CADM2: variants seen among roughly 807,000 people sequenced by gnomAD.
CADM2 encodes the protein immunoglobulin superfamily member 4D.
Under a neutral mutation model 49.8 loss-of-function variants are expected in CADM2, and 12 were observed. The ratio of observed to expected loss-of-function variants is 0.24; its 90% CI spans 0.15 to 0.39. CADM2 has a LOEUF of 0.39. Ranked by LOEUF, CADM2 falls within the 10% of genes least tolerant of loss-of-function variation. The pLI is 1.00. For synonymous variants in CADM2, 214 were observed against 175.4 expected, an observed-to-expected ratio of 1.22 and a Z score of -1.74; for missense variants, 378 against 492.3, an observed-to-expected ratio of 0.77 and a Z score of 2.20.
chr3:85,951,238 G>A (rs1001448983), intron 7 of CADM2, among the ~76,000 whole-genome samples: 1 of 151,052 alleles, frequency 6.6e-6, no homozygotes, highest in African/African-American at 2.4e-5. Flanking sequence ...AGGCCAATGA[G>A]AAGAAAAGCT....
chr3:85,770,119 G>T (rs902818350), intron 2 of CADM2, among the ~76,000 whole-genome samples: 1 of 152,094 alleles, frequency 6.6e-6, no homozygotes, highest in African/African-American at 2.4e-5. Context: ...TATGGTGGCA[G>T]TTGCTTCAAC....
At chr3:85,479,828 GT>G (rs1262075421) in intron 1 of CADM2, among the ~76,000 whole-genome samples, 9 of 151,948 alleles carry the variant, frequency 5.9e-5, no homozygotes, top group Admixed American at 5.9e-4. Context: ...GATATGTCCT[GT>G]TTTACTTCAA....
chr3:85,228,097 G>A (rs2042202208), intron 1 of CADM2, among the ~76,000 whole-genome samples: 2 of 152,178 alleles, frequency 1.3e-5, no homozygotes, highest in Admixed American at 1.3e-4. Flanking sequence ...TGATGATTAT[G>A]TGCCTTGAGG....
chr3:85,453,238 A>G (rs1169371142), intron 1 of CADM2, among the ~76,000 whole-genome samples: 1 of 152,074 alleles, frequency 6.6e-6, no homozygotes, highest in Non-Finnish European at 1.5e-5. Context: ...ATGTAAGTAT[A>G]TATGTAGTGA....
At chr3:85,827,169 A>G (rs2073954705) in intron 3 of CADM2, among the ~76,000 whole-genome samples, 1 of 151,992 alleles carries the variant, frequency 6.6e-6, no homozygotes, top group African/African-American at 2.4e-5. Flanking sequence ...TTTCATTAAG[A>G]TGAATAAAAT....
At chr3:85,673,132 A>G (rs1057021724) in intron 1 of CADM2, among the ~76,000 whole-genome samples, 6 of 152,206 alleles carry the variant, frequency 3.9e-5, no homozygotes, top group Non-Finnish European at 8.8e-5. Flanking sequence ...ACACAGCACC[A>G]GGGGACAAGT....
intron 1 of CADM2, among the ~76,000 whole-genome samples, chr3:85,672,499 G>A (rs1424969235): frequency 6.6e-6 from 1 of 151,900 alleles, no homozygotes; most frequent in Non-Finnish European, 1.5e-5. Flanking sequence ...TGCTAATACT[G>A]ATACTCAGTG....
At chr3:85,151,891 G>A (rs112443128) in intron 1 of CADM2, among the ~76,000 whole-genome samples, 2,671 of 152,226 alleles carry the variant, frequency 0.018, 40 homozygotes, top group Middle Eastern at 0.051. Context: ...TTTGCTTAAA[G>A]CAATGCCTTA....
chr3:85,124,144 TA>T (rs1345164303), intron 1 of CADM2, among the ~76,000 whole-genome samples: 1 of 152,206 alleles, frequency 6.6e-6, no homozygotes, highest in African/African-American at 2.4e-5. Context: ...ACTGGGAAGA[TA>T]GGGGCACAAT....
At chr3:85,776,083 T>C (rs2070345653) in intron 2 of CADM2, among the ~76,000 whole-genome samples, 1 of 151,806 alleles carries the variant, frequency 6.6e-6, no homozygotes, top group African/African-American at 2.4e-5. Context: ...AATGAGAATA[T>C]ATAAGAAATT....
At chr3:85,630,935 A>C (rs2064287655) in intron 1 of CADM2, among the ~76,000 whole-genome samples, 1 of 152,066 alleles carries the variant, frequency 6.6e-6, no homozygotes, top group South Asian at 2.1e-4. Flanking sequence ...AAAAAGAAAG[A>C]AAACCTTCCT....
intron 1 of CADM2, among the ~76,000 whole-genome samples, chr3:85,287,572 CTT>C (rs1419987356): frequency 6.6e-6 from 1 of 151,994 alleles, no homozygotes; most frequent in East Asian, 1.9e-4. Flanking sequence ...TTTATCAGCT[CTT>C]TGTCATCAAA....
At chr3:85,280,584 C>T (rs927573375) in intron 1 of CADM2, among the ~76,000 whole-genome samples, 2 of 151,556 alleles carry the variant, frequency 1.3e-5, no homozygotes, top group Non-Finnish European at 1.5e-5. Context: ...CGGTTATCCA[C>T]GTCTTTTCTG....
chr3:85,001,399 C>T (rs75501065), intron 1 of CADM2, among the ~76,000 whole-genome samples: 10,772 of 151,806 alleles, frequency 0.071, 522 homozygotes, highest in African/African-American at 0.13. Flanking sequence ...ATCTATCTAC[C>T]CTTGTGTTCA....
intron 3 of CADM2, among the ~76,000 whole-genome samples, chr3:85,807,947 CAG>C (rs1215306468): frequency 1.3e-5 from 2 of 152,104 alleles, no homozygotes; most frequent in Non-Finnish European, 2.9e-5. Context: ...GCACAGGAGA[CAG>C]AGAGTCAGAT....
rs147184221 is a variant in CADM2 at position 85,883,203 on chromosome 3, T to G, written c.239-88T>G. On this transcript the variant is annotated intron_variant, in intron 3 of 9. Coordinates refer to ENST00000383699, the MANE Select transcript of CADM2 (RefSeq NM_001167675.2). ...TTGAATGTATGGCCAAAGAAAACAT[T>G]TATTGTATTGTGTTGAAAATATATA... The G allele has an allele frequency of 1.6e-3, 1,645 of 1,008,532 alleles. 17 individuals carry two copies. In the African/African-American group the frequency reaches 0.018, roughly 11 times the overall value. 62.5% of individuals were successfully genotyped at this position (1,008,532 alleles called of 1,614,324 possible).
chr3:85,230,906 A>C (rs971731787), intron 1 of CADM2, among the ~76,000 whole-genome samples: 7 of 152,140 alleles, frequency 4.6e-5, no homozygotes, highest in African/African-American at 1.7e-4. Context: ...AAAATGCCAC[A>C]AACTGGTTGG....
intron 1 of CADM2, among the ~76,000 whole-genome samples, chr3:85,557,509 G>A (rs913928685): frequency 6.6e-6 from 1 of 151,264 alleles, no homozygotes; most frequent in African/African-American, 2.4e-5. Context: ...AAGATAATAT[G>A]TATTTTACTA....
intron 1 of CADM2, among the ~76,000 whole-genome samples, chr3:85,449,488 A>G (rs942304948): frequency 7.9e-5 from 12 of 152,068 alleles, no homozygotes; most frequent in African/African-American, 2.9e-4. Flanking sequence ...AAGCTACAGA[A>G]TGGAAGCATG....
Sources: gnomAD v4.1 joint callset for allele counts (sites outside exome capture counted in the v4.1 genomes callset) on GRCh38, gnomAD v4.1.1 for gene constraint, MANE v1.5 for transcripts, NCBI Gene and HGNC (gene_info 2026-07-23, HGNC 2026-07-21) for gene names.